Variants in ASH1L observed in about 807,000 individuals in gnomAD.
The protein encoded by ASH1L is histone-lysine N-methyltransferase ASH1L.
In ASH1L, 23 loss-of-function variants were observed where a neutral mutation model predicts 269.0. That is an observed-to-expected ratio of 0.09 (90% CI 0.06 to 0.12). The LOEUF is 0.12. ASH1L is among the 10% of genes least tolerant of loss of function. The pLI, the probability that ASH1L is intolerant of heterozygous loss-of-function variation, is 1.00. For missense variants in ASH1L, 2,912 were observed against 3,567.8 expected (o/e 0.82, Z 4.68); for synonymous variants, 1,187 against 1,253.5 (o/e 0.95, Z 1.12).
chr1:155,549,205 T>C (rs1489322303), intron 1 of ASH1L, among the ~76,000 whole-genome samples: 4 of 152,054 alleles, frequency 2.6e-5, no homozygotes, highest in Non-Finnish European at 5.9e-5. Flanking sequence ...TACCCGAATA[T>C]TGTGTCGTGA....
chr1:155,349,993 C>T (rs1570964599), intron 17 of ASH1L, among the ~76,000 whole-genome samples: 1 of 150,230 alleles, frequency 6.7e-6, no homozygotes, highest in South Asian at 2.1e-4. Flanking sequence ...GGGTTCATGC[C>T]ATTCTCCTGC....
intron 2 of ASH1L, among the ~76,000 whole-genome samples, chr1:155,504,335 T>C (rs191635310): frequency 6.6e-6 from 1 of 152,272 alleles, no homozygotes; most frequent in African/African-American, 2.4e-5. Flanking sequence ...CAATATGTGT[T>C]ACTTCCCTTC....
rs561322907 is a variant in ASH1L, at chr1:155,357,822, G to A, written c.6796-73C>T. On this transcript the variant is annotated intron_variant, in intron 13 of 27. Transcript: ENST00000392403. The stretch of plus-strand genomic sequence containing the variant: ...GGTCTTTCCTGTCACTCAGGCTGAA[G>A]TACAATAGTATGATCATGGCTCACT... 15 of 1,395,390 alleles carry A rather than the reference G, an allele frequency of 1.1e-5. No individual in the cohort carries two copies. In the East Asian group the frequency reaches 3.7e-4, roughly 35 times the overall value. The allele number at this position is 1,395,390 out of a possible 1,614,324, so 86.4% of individuals were successfully genotyped here.
At chr1:155,421,230 TAAAAA>T (rs67434918) in intron 5 of ASH1L, among the ~76,000 whole-genome samples, 2 of 95,690 alleles carry the variant, frequency 2.1e-5, no homozygotes, top group Non-Finnish European at 4.0e-5. Context: ...TTCTGTGTCT[TAAAAA>T]AAAAAAAAAA....
At chr1:155,348,253 A>C (rs756053921) in intron 19 of ASH1L, among the ~76,000 whole-genome samples, 1 of 152,142 alleles carries the variant, frequency 6.6e-6, no homozygotes, top group Admixed American at 6.6e-5. Flanking sequence ...TGTCTTGTGG[A>C]TATCTGTGAC....
intron 6 of ASH1L, among the ~76,000 whole-genome samples, chr1:155,415,107 G>C (rs762747860): frequency 9.2e-5 from 14 of 152,236 alleles, no homozygotes; most frequent in Middle Eastern, 3.4e-3. Context: ...ATTAGGGCCA[G>C]GCACGGTGGT....
intron 7 of ASH1L, among the ~76,000 whole-genome samples, chr1:155,384,731 T>C (rs1392084333): frequency 1.3e-5 from 2 of 152,150 alleles, no homozygotes; most frequent in Non-Finnish European, 1.5e-5. Context: ...TGTGATTATG[T>C]GTCTCGGCAT....
intron 21 of ASH1L, chr1:155,346,093 C>G: frequency 8.5e-7 from 1 of 1,179,572 alleles, no homozygotes; most frequent in Non-Finnish European, 1.1e-6. Flanking sequence ...CTTAGCCTCC[C>G]AGTGTGCTAG....
At position 155,448,345 on chromosome 1, in the gene ASH1L, T is replaced by TTTGTTG. The variant is rs112178568; in HGVS notation, c.5087-9283_5087-9278dup. Among the ~76,000 whole-genome samples, 147 of 151,802 alleles carry TTTGTTG rather than the reference T, an allele frequency of 9.7e-4. 1 individual carries two copies. The highest frequency in any genetic ancestry group is 3.2e-3 in the African/African-American group (134 of 41,382). ...GGTTAATTTTTATTTTTCTTTTCGT[T>TTTGTTG]TTGTTGTTGTTGTTGTTGTTGTTGT... On this transcript the variant is annotated intron_variant, in intron 4 of 27. Coordinates refer to ENST00000392403, the MANE Select transcript of ASH1L (RefSeq NM_018489.3).
intron 12 of ASH1L, among the ~76,000 whole-genome samples, chr1:155,368,908 T>G (rs1655676704): frequency 6.6e-6 from 1 of 152,186 alleles, no homozygotes; most frequent in Non-Finnish European, 1.5e-5. Flanking sequence ...ATGGATGAAC[T>G]GCAAAAACAT....
chr1:155,537,036 T>G (rs1670104006), intron 1 of ASH1L, among the ~76,000 whole-genome samples: 1 of 146,346 alleles, frequency 6.8e-6, no homozygotes, highest in African/African-American at 2.5e-5. Flanking sequence ...AGAGCAAGAC[T>G]CTGTCTCAAA....
At chr1:155,421,879 T>C (rs1660714310) in intron 5 of ASH1L, among the ~76,000 whole-genome samples, 1 of 152,088 alleles carries the variant, frequency 6.6e-6, no homozygotes, top group Admixed American at 6.6e-5. Flanking sequence ...TTTTAAACCA[T>C]TTTAAGTGGT....
At chr1:155,433,884 C>A in intron 5 of ASH1L, 1 of 1,602,192 alleles carries the variant, frequency 6.2e-7, no homozygotes, top group Non-Finnish European at 8.5e-7. Context: ...AGAAAGCGAA[C>A]CAGTATCGAG....
intron 16 of ASH1L, 109 bp from the exon 17 acceptor site, chr1:155,352,967 G>T: frequency 9.7e-7 from 1 of 1,027,486 alleles, no homozygotes; most frequent in Non-Finnish European, 1.4e-6. Context: ...GAAGTGATTA[G>T]GTAGATTAGT....
Position 155,521,087 on chromosome 1 carries a change from G to T in ASH1L, c.420+13C>A, listed in dbSNP as rs780558464. On this transcript the variant is annotated intron_variant, in intron 2 of 27. Coordinates refer to ENST00000392403, the MANE Select transcript of ASH1L (RefSeq NM_018489.3). ...ATTGTCAATAACCACATATTGTTAG[G>T]AATTCTACTTACTCGTTTTGAAGGA... is the stretch of plus-strand genomic sequence containing the variant. 1.9e-6 allele frequency: 3 copies of T among 1,577,660 alleles called. No homozygotes were observed. In the East Asian group the frequency reaches 6.7e-5, roughly 35 times the overall value.
chr1:155,513,620 C>G (rs766691659), intron 2 of ASH1L, among the ~76,000 whole-genome samples: 1 of 151,010 alleles, frequency 6.6e-6, no homozygotes. Flanking sequence ...GGTGACACAG[C>G]GACACCCAAT....
intron 1 of ASH1L, among the ~76,000 whole-genome samples, chr1:155,550,242 A>G (rs926196857): frequency 3.3e-5 from 5 of 151,478 alleles, no homozygotes; most frequent in African/African-American, 1.2e-4. Flanking sequence ...CTGGTCTCAA[A>G]CTCCTGACCT....
chr1:155,507,660 A>C (rs1260244944), intron 2 of ASH1L, among the ~76,000 whole-genome samples: 2 of 152,208 alleles, frequency 1.3e-5, no homozygotes, highest in African/African-American at 2.4e-5. Flanking sequence ...TCGATTCAGC[A>C]CAGGAGTTCG....
At chr1:155,556,399 T>TA (rs1671587024) in intron 1 of ASH1L, among the ~76,000 whole-genome samples, 1 of 116,512 alleles carries the variant, frequency 8.6e-6, no homozygotes, top group Admixed American at 1.1e-4. Flanking sequence ...TACATATATA[T>TA]ACGTGTGTGT....
Sources: gnomAD v4.1 joint callset for allele counts (sites outside exome capture counted in the v4.1 genomes callset) on GRCh38, gnomAD v4.1.1 for gene constraint, MANE v1.5 for transcripts, NCBI Gene and HGNC (gene_info 2026-07-23, HGNC 2026-07-21) for gene names.